Variants in CALD1 observed in about 807,000 individuals in gnomAD.
CALD1 encodes caldesmon.
A neutral mutation model predicts 99.9 loss-of-function variants in CALD1; 33 were observed. That is an observed-to-expected ratio of 0.33 (90% CI 0.25 to 0.44). The LOEUF (loss-of-function observed/expected upper bound fraction) is 0.44. Ranked by LOEUF, CALD1 falls within the 20% of genes least tolerant of loss-of-function variation. The probability of loss-of-function intolerance (pLI) is 1.00; values close to 1 mark genes in which losing one functional copy is unlikely to be tolerated. For missense variants in CALD1, 861 were observed against 962.1 expected, an observed-to-expected ratio of 0.89 and a Z score of 1.39; for synonymous variants, 310 against 325.0, an observed-to-expected ratio of 0.95 and a Z score of 0.50.
intron 1 of CALD1, among the ~76,000 whole-genome samples, chr7:134,762,302 A>G (rs532359272): frequency 2.0e-5 from 3 of 152,144 alleles, no homozygotes; most frequent in Non-Finnish European, 4.4e-5. Flanking sequence ...CCCTAAATAG[A>G]TATATTCTAT....
chr7:134,779,358 G>C, upstream of CALD1: 1 of 273,740 alleles, frequency 3.7e-6, no homozygotes, highest in South Asian at 1.7e-4. Flanking sequence ...CATGGAGCAG[G>C]CTGGTTTTGG....
At chr7:134,852,909 ATGTTCTG>A (rs1260208260) in intron 2 of CALD1, among the ~76,000 whole-genome samples, 1 of 152,178 alleles carries the variant, frequency 6.6e-6, no homozygotes, top group Non-Finnish European at 1.5e-5. Flanking sequence ...TGGTTGTGAG[ATGTTCTG>A]CCACTGGGAT....
rs549501550 is a variant in CALD1, at chr7:134,898,846, C to T, written c.72-29908C>T. Among the ~76,000 whole-genome samples the T allele has an allele frequency of 4.6e-5, 7 of 152,272 alleles. No homozygotes were observed. In the South Asian group the frequency reaches 1.0e-3, roughly 23 times the overall value. The stretch of plus-strand genomic sequence containing the variant: ...CCGGCATTATAGGCGTGAGCCACTG[C>T]GCCTGGCCATTTTTCTGGTTTTAAA... On this transcript the variant is annotated intron_variant, in intron 3 of 14. Transcript: ENST00000361675.
chr7:134,722,111 C>T, the CALD1 span, among the ~76,000 whole-genome samples: 2 of 152,134 alleles, frequency 1.3e-5, no homozygotes, highest in South Asian at 2.1e-4. Flanking sequence ...ACGTGGAAGT[C>T]TTTACTGTAT....
intron 1 of CALD1, among the ~76,000 whole-genome samples, chr7:134,754,188 TA>T (rs1796708972): frequency 6.6e-6 from 1 of 152,142 alleles, no homozygotes; most frequent in East Asian, 1.9e-4. Context: ...CCTAGGTGAC[TA>T]GGGGGTAGGT....
At chr7:134,877,125 C>T (rs1158856174) in intron 3 of CALD1, among the ~76,000 whole-genome samples, 3 of 152,198 alleles carry the variant, frequency 2.0e-5, no homozygotes, top group Admixed American at 6.5e-5. Flanking sequence ...ATTCTGTTAC[C>T]TCTTGTTGCT....
intron 1 of CALD1, among the ~76,000 whole-genome samples, chr7:134,794,308 T>C (rs1403807191): frequency 6.6e-6 from 1 of 152,192 alleles, no homozygotes. Flanking sequence ...GCATTTCCTA[T>C]AGGTGTACCT....
chr7:134,913,679 C>T (rs1266278121), intron 3 of CALD1, among the ~76,000 whole-genome samples: 1 of 125,206 alleles, frequency 8.0e-6, no homozygotes, highest in East Asian at 7.5e-4. Flanking sequence ...CATGGATCAC[C>T]AAACTTTTTT....
intron 2 of CALD1, among the ~76,000 whole-genome samples, chr7:134,848,278 C>G: frequency 6.6e-6 from 1 of 152,156 alleles, no homozygotes; most frequent in East Asian, 1.9e-4. Flanking sequence ...CTTTCCTCCT[C>G]CCTTTCGCTA....
chr7:134,904,115 C>T (rs543787981), intron 3 of CALD1, among the ~76,000 whole-genome samples: 36 of 152,004 alleles, frequency 2.4e-4, no homozygotes, highest in South Asian at 4.2e-4. Flanking sequence ...CCCAGCTACT[C>T]GGGAGGCTGA....
At chr7:134,939,576 C>A (rs1272338621) in intron 6 of CALD1, among the ~76,000 whole-genome samples, 1 of 152,134 alleles carries the variant, frequency 6.6e-6, no homozygotes, top group East Asian at 1.9e-4. Context: ...AGAAGTGAAT[C>A]CCTAGTAATT....
At chr7:134,876,859 A>G (rs1801376380) in intron 3 of CALD1, among the ~76,000 whole-genome samples, 1 of 152,226 alleles carries the variant, frequency 6.6e-6, no homozygotes, top group Non-Finnish European at 1.5e-5. Flanking sequence ...CTTATATTTT[A>G]CATTTATCAC....
intron 1 of CALD1, among the ~76,000 whole-genome samples, chr7:134,815,541 A>T (rs1275593551): frequency 6.6e-6 from 1 of 152,150 alleles, no homozygotes; most frequent in Non-Finnish European, 1.5e-5. Flanking sequence ...GCTCTGATGC[A>T]CTGTAATGAT....
At chr7:134,904,086 G>A (rs1460082470) in intron 3 of CALD1, among the ~76,000 whole-genome samples, 1 of 151,884 alleles carries the variant, frequency 6.6e-6, no homozygotes, top group Admixed American at 6.6e-5. Flanking sequence ...AACCAGATGT[G>A]GTGGTGCATG....
intron 3 of CALD1, among the ~76,000 whole-genome samples, chr7:134,906,942 A>C (rs974228846): frequency 6.6e-6 from 1 of 152,204 alleles, no homozygotes. Context: ...AGAAAAGCCC[A>C]CAATTGTAGT....
chr7:134,722,040 A>T, the CALD1 span, among the ~76,000 whole-genome samples: 1 of 152,178 alleles, frequency 6.6e-6, no homozygotes, highest in African/African-American at 2.4e-5. Context: ...TCTTTCTTAA[A>T]GCTAGAGCAC....
chr7:134,903,827 G>T (rs1177074297), intron 3 of CALD1, among the ~76,000 whole-genome samples: 1 of 152,094 alleles, frequency 6.6e-6, no homozygotes, highest in Non-Finnish European at 1.5e-5. Context: ...TGGGAGTTAG[G>T]TCGTCCACAT....
intron 1 of CALD1, chr7:134,744,483 G>GTGTA (rs1479514956): frequency 2.0e-5 from 3 of 151,428 alleles, no homozygotes; most frequent in Non-Finnish European, 2.9e-5. Flanking sequence ...GTGTGTGTGT[G>GTGTA]TGTACATGTG....
At chr7:134,749,675 G>A (rs2131554754) in intron 1 of CALD1, among the ~76,000 whole-genome samples, 1 of 152,276 alleles carries the variant, frequency 6.6e-6, no homozygotes, top group South Asian at 2.1e-4. Context: ...TGCCTGTTGT[G>A]TAAGGTCAAG....
Sources: allele counts gnomAD v4.1 joint callset (sites outside exome capture counted in the v4.1 genomes callset), GRCh38; gene constraint gnomAD v4.1.1; transcripts MANE v1.5; gene names NCBI Gene and HGNC (gene_info 2026-07-23, HGNC 2026-07-21).